The following AKT3 variants were observed in gnomAD, a reference collection of about 807,000 sequenced individuals.
The protein encoded by AKT3 is AKT serine/threonine kinase 3.
In AKT3, 15 loss-of-function variants were observed where a neutral mutation model predicts 65.3. The ratio of observed to expected loss-of-function variants is 0.23; its 90% CI spans 0.15 to 0.35. The LOEUF is 0.35. Among genes scored for constraint, AKT3 ranks in the 10% least tolerant of loss-of-function variants. The probability of loss-of-function intolerance (pLI) is 1.00; values close to 1 mark genes in which losing one functional copy is unlikely to be tolerated. For synonymous variants in AKT3, 206 were observed against 183.8 expected, an observed-to-expected ratio of 1.12 and a Z score of -0.98; for missense variants, 243 against 576.5, an observed-to-expected ratio of 0.42 and a Z score of 5.92.
intron 2 of AKT3, among the ~76,000 whole-genome samples, chr1:243,719,202 G>A (rs905366611): frequency 4.6e-5 from 7 of 152,070 alleles, no homozygotes; most frequent in South Asian, 2.1e-4. Context: ...TAAAAAAACC[G>A]ATAGTGTTTA....
intron 6 of AKT3, among the ~76,000 whole-genome samples, chr1:243,630,145 A>G (rs1679496564): frequency 6.6e-6 from 1 of 152,236 alleles, no homozygotes; most frequent in Non-Finnish European, 1.5e-5. Context: ...AACAGAAGGT[A>G]CTGCACCCCC....
At chr1:243,802,863 A>C (rs776282433) in intron 2 of AKT3, among the ~76,000 whole-genome samples, 2 of 152,228 alleles carry the variant, frequency 1.3e-5, no homozygotes, top group Non-Finnish European at 2.9e-5. Flanking sequence ...TAAGAATTTT[A>C]ACAGGCCAGG....
intron 2 of AKT3, among the ~76,000 whole-genome samples, chr1:243,748,387 C>A (rs908692240): frequency 1.3e-5 from 2 of 151,918 alleles, no homozygotes; most frequent in African/African-American, 4.8e-5. Flanking sequence ...AGACAGTGTT[C>A]TTCCTTCTAG....
intron 12 of AKT3, among the ~76,000 whole-genome samples, chr1:243,545,248 A>T (rs1672580424): frequency 6.6e-6 from 1 of 152,220 alleles, no homozygotes; most frequent in Non-Finnish European, 1.5e-5. Context: ...AAATTAAAGA[A>T]ATAATGAGAG....
Position 243,504,427 on chromosome 1 carries a change from A to G in AKT3, c.*822T>C, listed in dbSNP as rs1225662923. ...CAGCCATCAGAGGTGATAAATGTCA[A>G]GAAGGAAAAAAGGTTTCCAAGCACA... On this transcript the variant is annotated 3_prime_UTR_variant, in exon 14 of 14. Transcript: ENST00000673466. 2 of 193,554 alleles carry G rather than the reference A, an allele frequency of 1.0e-5. No individual in the cohort carries two copies. The highest frequency in any genetic ancestry group is 6.1e-5 in the Admixed American group (1 of 16,372). The allele number at this position is 193,554 out of a possible 1,614,324, so 12.0% of individuals were successfully genotyped here.
chr1:243,652,597 C>A (rs1197497641), intron 4 of AKT3, among the ~76,000 whole-genome samples: 1 of 151,860 alleles, frequency 6.6e-6, no homozygotes, highest in Non-Finnish European at 1.5e-5. Context: ...TGTGACAATA[C>A]TAACCTTAAA....
intron 2 of AKT3, among the ~76,000 whole-genome samples, chr1:243,781,052 T>C (rs1690877756): frequency 6.6e-6 from 1 of 152,120 alleles, no homozygotes; most frequent in Non-Finnish European, 1.5e-5. Context: ...GTCTCTTCTA[T>C]GGCATACTCC....
At chr1:243,540,778 C>T (rs950092275) in intron 12 of AKT3, among the ~76,000 whole-genome samples, 1 of 152,146 alleles carries the variant, frequency 6.6e-6, no homozygotes, top group Non-Finnish European at 1.5e-5. Context: ...AGTGTTCCAT[C>T]ATCATTCTTT....
At chr1:243,720,430 A>C (rs1436803758) in intron 2 of AKT3, among the ~76,000 whole-genome samples, 1 of 38,048 alleles carries the variant, frequency 2.6e-5, no homozygotes, top group Non-Finnish European at 1.2e-4. Context: ...AAGACATAGT[A>C]AAAAAAAAAA....
chr1:243,819,753 G>C (rs537815142), intron 2 of AKT3, among the ~76,000 whole-genome samples: 1 of 152,202 alleles, frequency 6.6e-6, no homozygotes, highest in Non-Finnish European at 1.5e-5. Context: ...GCTGGCATCA[G>C]GTCGGTGCCC....
intron 12 of AKT3, among the ~76,000 whole-genome samples, chr1:243,533,678 A>T (rs1201397690): frequency 2.0e-5 from 3 of 152,238 alleles, no homozygotes; most frequent in Non-Finnish European, 4.4e-5. Context: ...ACAAAGAAAC[A>T]GCAAGGGCAA....
chr1:243,805,826 T>C (rs555238537), intron 2 of AKT3, among the ~76,000 whole-genome samples: 2 of 152,342 alleles, frequency 1.3e-5, no homozygotes, highest in African/African-American at 4.8e-5. Context: ...CAGTCCATTC[T>C]TCAATGTTCA....
At chr1:243,699,606 C>G (rs1685312591) in intron 2 of AKT3, among the ~76,000 whole-genome samples, 1 of 150,502 alleles carries the variant, frequency 6.6e-6, no homozygotes, top group African/African-American at 2.5e-5. Flanking sequence ...AAAACAAATA[C>G]ATTTCCCAGC....
In AKT3 at chr1:243,657,120, G is replaced by A. The variant is rs373474529; in HGVS notation, c.284+7652C>T. ...ATGGTATTAGGAAGTGGGCCTTCAT[G>A]AGGTCATGATAGAACTCATAGATTA... On this transcript the variant is annotated intron_variant, in intron 4 of 13. Transcript: ENST00000673466. Among the ~76,000 whole-genome samples the A allele has an allele frequency of 7.0e-4, 107 of 152,270 alleles. 2 individuals are homozygous for A. The East Asian group carries it at 0.013, about 19-fold the overall frequency.
chr1:243,804,283 T>G (rs1692578346), intron 2 of AKT3, among the ~76,000 whole-genome samples: 1 of 152,230 alleles, frequency 6.6e-6, no homozygotes. Flanking sequence ...GGTCAATTAA[T>G]CATTTTGTCT....
chr1:243,621,736 C>A (rs2148621654), intron 6 of AKT3, among the ~76,000 whole-genome samples: 1 of 152,300 alleles, frequency 6.6e-6, no homozygotes, highest in East Asian at 1.9e-4. Flanking sequence ...CTGCAGTCAA[C>A]TTCAATGTAG....
intron 2 of AKT3, among the ~76,000 whole-genome samples, chr1:243,739,772 C>T (rs184524674): frequency 2.2e-4 from 33 of 152,328 alleles, no homozygotes; most frequent in Admixed American, 2.0e-3. Flanking sequence ...CTCCATTTTC[C>T]CCTTACACTC....
chr1:243,642,340 C>T (rs557193793), intron 5 of AKT3, among the ~76,000 whole-genome samples: 30 of 152,276 alleles, frequency 2.0e-4, no homozygotes, highest in Admixed American at 9.2e-4. Flanking sequence ...GACGGAGTCT[C>T]GCTCTGTCGC....
At chr1:243,810,647 A>G (rs1406060690) in intron 2 of AKT3, among the ~76,000 whole-genome samples, 1 of 152,218 alleles carries the variant, frequency 6.6e-6, no homozygotes, top group Admixed American at 6.5e-5. Context: ...ATCAATAGAA[A>G]AAGAGGGAAT....
Sources: allele counts gnomAD v4.1 joint callset (sites outside exome capture counted in the v4.1 genomes callset), GRCh38; gene constraint gnomAD v4.1.1; transcripts MANE v1.5; gene names NCBI Gene and HGNC (gene_info 2026-07-23, HGNC 2026-07-21).